BBS7: variants seen among roughly 807,000 people sequenced by gnomAD.
BBS7 encodes BBSome complex member BBS7.
A neutral mutation model predicts 90.3 loss-of-function variants in BBS7; 50 were observed. The observed-to-expected ratio is 0.55, with a 90% CI of 0.44 to 0.70. The LOEUF (loss-of-function observed/expected upper bound fraction) is 0.70. BBS7 is among the 30% of genes least tolerant of loss of function. The probability of loss-of-function intolerance (pLI) is 0.00; values close to 1 mark genes in which losing one functional copy is unlikely to be tolerated. For missense variants in BBS7, 729 were observed against 838.9 expected (o/e 0.87, Z 1.62); for synonymous variants, 235 against 287.4 (o/e 0.82, Z 1.85).
In BBS7 at chr4:121,847,092, T is replaced by A. The variant is rs1437132470; in HGVS notation, c.1037+312A>T. 2.0e-5 allele frequency among the ~76,000 whole-genome samples: 3 copies of A among 152,172 alleles called. No individual in the cohort carries two copies. In the East Asian group the frequency reaches 5.8e-4, roughly 29 times the overall value. On this transcript the variant is annotated intron_variant, in intron 10 of 18. Coordinates refer to ENST00000264499, the MANE Select transcript of BBS7 (RefSeq NM_176824.3). ...TACAGCCATCTGTGTTGATTTCTAA[T>A]GTCTGTGAAAAATAAAAAATAAAAC...
At chr4:121,830,942 T>G (rs1725148232) in intron 15 of BBS7, among the ~76,000 whole-genome samples, 1 of 152,184 alleles carries the variant, frequency 6.6e-6, no homozygotes. Context: ...GCTTGGTGGC[T>G]CATGCCTGTA....
intron 13 of BBS7, among the ~76,000 whole-genome samples, chr4:121,835,812 T>C (rs1469258288): frequency 2.0e-5 from 3 of 152,156 alleles, no homozygotes; most frequent in African/African-American, 7.2e-5. Flanking sequence ...GAAAAATTAT[T>C]TTGTAATAAT....
chr4:121,848,748 A>C (rs1487836007), intron 9 of BBS7, 96 bp downstream of exon 9: 2 of 1,000,124 alleles, frequency 2.0e-6, no homozygotes, highest in Non-Finnish European at 3.1e-6. Flanking sequence ...GACTACTATA[A>C]CTGTTTTTTA....
chr4:121,846,358 T>G (rs1345791800), intron 10 of BBS7, among the ~76,000 whole-genome samples: 4 of 152,100 alleles, frequency 2.6e-5, no homozygotes, highest in African/African-American at 9.7e-5. Flanking sequence ...AGCCACAGTT[T>G]AGGAGGAAAA....
intron 18 of BBS7, 117 bp downstream of exon 18, chr4:121,828,029 C>A: frequency 6.5e-7 from 1 of 1,533,556 alleles, no homozygotes; most frequent in South Asian, 1.3e-5. Flanking sequence ...ATGACTGGTT[C>A]ATGAATCATG....
intron 11 of BBS7, among the ~76,000 whole-genome samples, chr4:121,844,607 A>G (rs1725912786): frequency 6.6e-6 from 1 of 151,154 alleles, no homozygotes; most frequent in African/African-American, 2.4e-5. Context: ...TTATGTTCTC[A>G]TTTTGTGATT....
intron 5 of BBS7, among the ~76,000 whole-genome samples, chr4:121,856,773 T>C (rs950044499): frequency 6.6e-6 from 1 of 151,818 alleles, no homozygotes; most frequent in African/African-American, 2.4e-5. Context: ...TTTGTTTTAA[T>C]GTTTTTTTTT....
At position 121,843,941 on chromosome 4, in the gene BBS7, T is replaced by G. The variant is rs1265041299; in HGVS notation, c.1291A>C (p.Ser431Arg). The change falls in exon 12 of 19, where the codon AGC becomes CGC. Residue 431 changes from serine (S) to arginine (R), a missense_variant. Physicochemically the swap from Ser to Arg is moderately radical, Grantham distance 110. Transcript: ENST00000264499. ...TTTTTACTCACCTCAGAATCACAGCTGCTAAAGCTAACAACAGCAGAATTT... is the reference window on the plus strand; with the variant it reads ...TTTTTACTCACCTCAGAATCACAGCGGCTAAAGCTAACAACAGCAGAATTT... ...DKNSAVVSFSSCDSESNDNFL... is the reference protein window; with the variant it reads ...DKNSAVVSFSRCDSESNDNFL... 1 of 1,599,690 alleles carries G rather than the reference T, an allele frequency of 6.3e-7. No homozygotes were observed. Among genetic ancestry groups the G allele is most frequent in the African/African-American group, 1.3e-5 (1 of 74,728 alleles).
intron 18 of BBS7, chr4:121,827,665 A>G: frequency 1.6e-5 from 9 of 556,098 alleles, no homozygotes; most frequent in Non-Finnish European, 2.1e-5. Context: ...TTTCAATACA[A>G]TTTGTGAAAC....
At chr4:121,833,536 C>T in intron 14 of BBS7, 141 bp from the exon 15 acceptor site, 1 of 794,038 alleles carries the variant, frequency 1.3e-6, no homozygotes, top group Non-Finnish European at 2.0e-6. Context: ...TCTTATACGT[C>T]AAATAAATGA....
intron 12 of BBS7, among the ~76,000 whole-genome samples, chr4:121,841,951 G>C (rs1725760146): frequency 6.6e-6 from 1 of 151,998 alleles, no homozygotes; most frequent in South Asian, 2.1e-4. Flanking sequence ...TTTTTACTAT[G>C]AAGTTATATT....
At chr4:121,863,058 C>T (rs1052712644) in intron 3 of BBS7, among the ~76,000 whole-genome samples, 159 bp downstream of exon 3, 1 of 152,150 alleles carries the variant, frequency 6.6e-6, no homozygotes, top group African/African-American at 2.4e-5. Flanking sequence ...TAGCAAATTA[C>T]TTTTGTGCTA....
At chr4:121,833,007 T>C (rs936652603) in intron 15 of BBS7, among the ~76,000 whole-genome samples, 1 of 152,162 alleles carries the variant, frequency 6.6e-6, no homozygotes, top group East Asian at 1.9e-4. Context: ...TCACTAGTTA[T>C]TGTTATTGTT....
At chr4:121,868,883 A>C (rs1382319093) in intron 1 of BBS7, among the ~76,000 whole-genome samples, 2 of 152,066 alleles carry the variant, frequency 1.3e-5, no homozygotes, top group Non-Finnish European at 2.9e-5. Context: ...AATTGGTGAA[A>C]ACAACACATC....
At chr4:121,842,461 C>T (rs1310919348) in intron 12 of BBS7, among the ~76,000 whole-genome samples, 1 of 150,596 alleles carries the variant, frequency 6.6e-6, no homozygotes, top group African/African-American at 2.4e-5. Context: ...ATAGGAAGAC[C>T]CTGTCTCTAC....
intron 12 of BBS7, among the ~76,000 whole-genome samples, chr4:121,841,881 G>A (rs1047163783): frequency 6.6e-6 from 1 of 151,960 alleles, no homozygotes. Flanking sequence ...AAACAGGAAC[G>A]ACAAACCACA....
In BBS7 at chr4:121,867,781, G is replaced by A. The variant is rs1727367969; in HGVS notation, c.102+200C>T. Among the ~76,000 whole-genome samples the A allele has an allele frequency of 2.0e-5, 3 of 152,166 alleles. No individual in the cohort carries two copies. The South Asian group carries it at 6.2e-4, about 32-fold the overall frequency. On this transcript the variant is annotated intron_variant, in intron 2 of 18. Coordinates refer to ENST00000264499, the MANE Select transcript of BBS7 (RefSeq NM_176824.3). ...AGTTTGCCTACACTGTTTACTAATG[G>A]TATATAATAATTTTAATGTCCAAGA...
At chr4:121,849,534 C>G (rs1312353861) in intron 8 of BBS7, among the ~76,000 whole-genome samples, 1 of 152,034 alleles carries the variant, frequency 6.6e-6, no homozygotes. Context: ...TTTTTAAAAA[C>G]TTACATAAGC....
rs368280740 is a variant in BBS7 at position 121,851,581 on chromosome 4, C to T, written c.849+1375G>A. 7.3e-5 allele frequency among the ~76,000 whole-genome samples: 11 copies of T among 151,672 alleles called. No homozygotes were observed. In the East Asian group the frequency reaches 9.7e-4, roughly 13 times the overall value. On this transcript the variant is annotated intron_variant, in intron 8 of 18. Transcript: ENST00000264499. ...GTAAGAAAACATGGAACTAAACTTA[C>T]AAAAAAAAGAACTTGGTCCTTCCTC...
Sources: allele counts gnomAD v4.1 joint callset (sites outside exome capture counted in the v4.1 genomes callset), GRCh38; gene constraint gnomAD v4.1.1; transcripts MANE v1.5; gene names NCBI Gene and HGNC (gene_info 2026-07-23, HGNC 2026-07-21).